The following TTC33 variants were observed in gnomAD, a reference collection of about 807,000 sequenced individuals.
TTC33 encodes the protein tetratricopeptide repeat protein 33.
TTC33 carries 24 observed loss-of-function variants against 29.4 expected under a neutral mutation model. The ratio of observed to expected loss-of-function variants is 0.82; its 90% confidence interval spans 0.59 to 1.15. The LOEUF is 1.15. Among genes scored for constraint, TTC33 ranks in the 50% most tolerant of loss-of-function variants. The pLI is 0.00. For synonymous variants in TTC33, 107 were observed against 100.3 expected (o/e 1.07, Z -0.40); for missense variants, 286 against 310.4 (o/e 0.92, Z 0.59).
In TTC33 at chr5:40,711,976, T is replaced by C. The variant is rs1452841206; in HGVS notation, c.*4169A>G. On this transcript the variant is annotated 3_prime_UTR_variant, in exon 5 of 5. Coordinates refer to ENST00000337702, the MANE Select transcript of TTC33 (RefSeq NM_012382.3). ...CTTTTTGGGTGATGGACACACACTA[T>C]ATCAGGATGGTAGTGGTGGTGAAGT... is the stretch of plus-strand genomic sequence containing the variant. Among the ~76,000 whole-genome samples, 1 of 152,134 alleles carries C rather than the reference T, an allele frequency of 6.6e-6. No homozygotes were observed. The highest frequency in any genetic ancestry group is 6.6e-5 in the Admixed American group (1 of 15,260).
At chr5:40,730,004 T>A (rs1742385638) in intron 3 of TTC33, among the ~76,000 whole-genome samples, 1 of 152,182 alleles carries the variant, frequency 6.6e-6, no homozygotes, top group African/African-American at 2.4e-5. Context: ...TGCCCACCAG[T>A]GACTTTAAAA....
At chr5:40,753,467 G>A (rs1406839936) in intron 1 of TTC33, among the ~76,000 whole-genome samples, 1 of 151,992 alleles carries the variant, frequency 6.6e-6, no homozygotes, top group Non-Finnish European at 1.5e-5. Flanking sequence ...TTAAAACCTG[G>A]AGGACTAATG....
intron 2 of TTC33, among the ~76,000 whole-genome samples, chr5:40,743,390 T>C (rs984576945): frequency 6.6e-6 from 1 of 152,180 alleles, no homozygotes; most frequent in Non-Finnish European, 1.5e-5. Flanking sequence ...TAAGATGAAG[T>C]TGATTTGGTA....
In TTC33 at chr5:40,746,963, G is replaced by C. The variant is rs376691426; in HGVS notation, c.56C>G (p.Ser19Cys). 68 of 1,614,030 alleles carry C rather than the reference G, an allele frequency of 4.2e-5. No homozygotes were observed. The highest frequency in any genetic ancestry group is 5.4e-5 in the Non-Finnish European group (64 of 1,180,036). The change falls in exon 2 of 5, where the codon TCC becomes TGC. Residue 19 changes from serine to cysteine, a missense_variant. Transcript: ENST00000337702. The stretch of plus-strand genomic sequence containing the variant: ...AGCAGCTTCAGCTTCAAACTGCTGG[G>C]AAGTGACCTTTGAGACCTTCTCACC... ...KIGEKVSKVT[S>C]QQFEAEAADE...
Position 40,714,395 on chromosome 5 carries a change from T to G in TTC33, c.*1750A>C, listed in dbSNP as rs1422443446. 1.3e-5 allele frequency: 2 copies of G among 152,168 alleles called. No individual in the cohort carries two copies. The highest frequency in any genetic ancestry group is 2.9e-5 in the Non-Finnish European group (2 of 68,016). 9.4% of individuals were successfully genotyped at this position (152,168 alleles called of 1,614,324 possible). A position where few individuals can be genotyped will look rare whatever the true frequency, so the allele number is the denominator to read the frequency against. ...TGCAAGGTACTTTAAATATATTAAG[T>G]TCATATAAGAAAGACACTAAGTAGA... On this transcript the variant is annotated 3_prime_UTR_variant, in exon 5 of 5. Coordinates refer to ENST00000337702, the MANE Select transcript of TTC33 (RefSeq NM_012382.3).
chr5:40,722,477 C>T (rs1002341952), intron 4 of TTC33, among the ~76,000 whole-genome samples: 9 of 151,330 alleles, frequency 5.9e-5, no homozygotes, highest in Admixed American at 2.6e-4. Context: ...CTCTGCCTGG[C>T]GGCCCATCGT....
At chr5:40,723,418 A>C (rs1287073459) in intron 4 of TTC33, among the ~76,000 whole-genome samples, 1 of 152,086 alleles carries the variant, frequency 6.6e-6, no homozygotes. Context: ...AGAAACACCC[A>C]AGAATGATCA....
rs1455192721 is a variant in TTC33 at position 40,716,304 on chromosome 5, C to T, written c.630G>A (p.Glu210=). The change falls in exon 5 of 5, where the codon GAG becomes GAA. Residue 210 remains glutamate (E), a synonymous_variant. Coordinates refer to ENST00000337702, the MANE Select transcript of TTC33 (RefSeq NM_012382.3). ...CAATAGCTGCACAAACAGCAACAATCTCATCACTTTCAAAGTCATAGTCTG... is the reference window on the plus strand; with the variant it reads ...CAATAGCTGCACAAACAGCAACAATTTCATCACTTTCAAAGTCATAGTCTG... ...SIPDYDFESD[E]IVAVCAAIAE... 6.2e-7 allele frequency: 1 copy of T among 1,614,218 alleles called. No individual in the cohort carries two copies. The highest frequency in any genetic ancestry group is 1.7e-5 in the Admixed American group (1 of 60,034).
intron 2 of TTC33, among the ~76,000 whole-genome samples, chr5:40,738,287 G>A (rs990555068): frequency 2.6e-5 from 4 of 151,584 alleles, no homozygotes; most frequent in South Asian, 2.1e-4. Context: ...AGTGGTGCGC[G>A]CCTGTAATCC....
intron 4 of TTC33, among the ~76,000 whole-genome samples, chr5:40,720,408 C>T (rs897665696): frequency 1.3e-5 from 2 of 152,168 alleles, no homozygotes; most frequent in African/African-American, 4.8e-5. Flanking sequence ...TATATGTCTA[C>T]ATTATGCCTA....
intron 1 of TTC33, among the ~76,000 whole-genome samples, chr5:40,750,087 C>CAA (rs142845813): frequency 1.4e-4 from 19 of 132,460 alleles, no homozygotes; most frequent in African/African-American, 5.1e-4. Context: ...AACTCCATCT[C>CAA]AAAAAAAAAA....
chr5:40,718,988 T>C (rs1742069143), intron 4 of TTC33, among the ~76,000 whole-genome samples: 3 of 152,206 alleles, frequency 2.0e-5, no homozygotes, highest in Non-Finnish European at 4.4e-5. Flanking sequence ...AATCCACCTA[T>C]ATAGAAGTGT....
chr5:40,722,796 C>T, intron 4 of TTC33, among the ~76,000 whole-genome samples: 1 of 151,632 alleles, frequency 6.6e-6, no homozygotes, highest in Admixed American at 6.6e-5. Context: ...CCCGCCCAGC[C>T]AGCCGCCCAT....
intron 4 of TTC33, among the ~76,000 whole-genome samples, chr5:40,722,247 G>A (rs952669103): frequency 3.3e-5 from 5 of 152,098 alleles, no homozygotes; most frequent in African/African-American, 7.2e-5. Context: ...GCGTGATCTC[G>A]GCTCGCTGCA....
rs1741964520 is a variant in TTC33, at chr5:40,714,686, TAAGGA to T, written c.*1454_*1458del. 1.3e-5 allele frequency: 2 copies of T among 152,358 alleles called. No individual in the cohort carries two copies. Among genetic ancestry groups the T allele is most frequent in the African/African-American group, 4.8e-5 (2 of 41,574 alleles). 9.4% of individuals were successfully genotyped at this position (152,358 alleles called of 1,614,324 possible). A position where few individuals can be genotyped will look rare whatever the true frequency, so the allele number is the denominator to read the frequency against. On this transcript the variant is annotated 3_prime_UTR_variant, in exon 5 of 5. Transcript: ENST00000337702. Reference sequence around the variant, plus strand: ...GAGCTAATTTTCTGATGATATAACTTAAGGAAAGAATATTCTTTTCAAGGCAAGTG... The same window carrying T: ...GAGCTAATTTTCTGATGATATAACTTAAGAATATTCTTTTCAAGGCAAGTG...
In TTC33 at chr5:40,712,569, T is replaced by C. The variant is rs1741917943; in HGVS notation, c.*3576A>G. On this transcript the variant is annotated 3_prime_UTR_variant, in exon 5 of 5. Transcript: ENST00000337702. ...GACCTGCTTACTAAGGCATGGGCAGTTCTGCACAAGCACAAATCTCCCTTT... is the reference window on the plus strand; with the variant it reads ...GACCTGCTTACTAAGGCATGGGCAGCTCTGCACAAGCACAAATCTCCCTTT... 6.6e-6 allele frequency among the ~76,000 whole-genome samples: 1 copy of C among 152,180 alleles called. No individual in the cohort carries two copies. Among genetic ancestry groups the C allele is most frequent in the Admixed American group, 6.5e-5 (1 of 15,268 alleles).
intron 1 of TTC33, among the ~76,000 whole-genome samples, chr5:40,754,995 T>C (rs1379927476): frequency 6.6e-6 from 1 of 151,982 alleles, no homozygotes; most frequent in Non-Finnish European, 1.5e-5. Context: ...TTTACCAGAG[T>C]AAGAAACCAT....
rs561887531 is a variant in TTC33 at position 40,715,918 on chromosome 5, A to T, written c.*227T>A. The T allele has an allele frequency of 2.4e-5, 10 of 419,686 alleles. No homozygotes were observed. The South Asian group carries it at 4.1e-4, about 17-fold the overall frequency. The allele number at this position is 419,686 out of a possible 1,614,324, so 26.0% of individuals were successfully genotyped here. ...ATTAAACTAAGTTTATTAATCAAAGACCATTTTACTCAGAATTTTAACCTT... is the reference window on the plus strand; with the variant it reads ...ATTAAACTAAGTTTATTAATCAAAGTCCATTTTACTCAGAATTTTAACCTT... On this transcript the variant is annotated 3_prime_UTR_variant, in exon 5 of 5. Transcript: ENST00000337702.
intron 1 of TTC33, among the ~76,000 whole-genome samples, 199 bp from the exon 2 acceptor site, chr5:40,747,218 C>T (rs1194441699): frequency 4.0e-5 from 6 of 151,890 alleles, no homozygotes; most frequent in Admixed American, 6.6e-5. Flanking sequence ...CCACCCACAC[C>T]GGCTAATTTT....
Sources: allele counts gnomAD v4.1 joint callset (sites outside exome capture counted in the v4.1 genomes callset), GRCh38; gene constraint gnomAD v4.1.1; transcripts MANE v1.5; gene names NCBI Gene and HGNC (gene_info 2026-07-23, HGNC 2026-07-21).